The following LYPLAL1 variants were observed in gnomAD, a reference collection of about 807,000 sequenced individuals.
The protein encoded by LYPLAL1 is lysophospholipase-like protein 1.
In LYPLAL1, 23 loss-of-function variants were observed where a neutral mutation model predicts 19.7. The ratio of observed to expected loss-of-function variants is 1.17; its 90% CI spans 0.84 to 1.65. The LOEUF is 1.65. LYPLAL1 is among the 40% of genes most tolerant of loss of function. LYPLAL1 has a pLI of 0.00. For missense variants in LYPLAL1, 355 were observed against 279.4 expected, an observed-to-expected ratio of 1.27 and a Z score of -1.93; for synonymous variants, 119 against 96.3, an observed-to-expected ratio of 1.24 and a Z score of -1.38.
the LYPLAL1 span, among the ~76,000 whole-genome samples, chr1:219,365,872 C>T: frequency 6.6e-6 from 1 of 152,054 alleles, no homozygotes; most frequent in African/African-American, 2.4e-5. Flanking sequence ...TCTAGTGAAG[C>T]CATAAACTTT....
chr1:219,216,752 C>A (rs1314515114), downstream of LYPLAL1, among the ~76,000 whole-genome samples: 1 of 152,054 alleles, frequency 6.6e-6, no homozygotes, highest in South Asian at 2.1e-4. Context: ...CTCTTGACCT[C>A]TGTGGACTCC....
the LYPLAL1 span, among the ~76,000 whole-genome samples, chr1:219,342,388 T>G: frequency 6.6e-6 from 1 of 152,132 alleles, no homozygotes; most frequent in Non-Finnish European, 1.5e-5. Flanking sequence ...TCAAGGTTTC[T>G]CTCTTTTAAT....
chr1:219,308,091 A>C, the LYPLAL1 span, among the ~76,000 whole-genome samples: 1 of 152,190 alleles, frequency 6.6e-6, no homozygotes, highest in Non-Finnish European at 1.5e-5. Flanking sequence ...GATATGAGGA[A>C]CTTGTTGTGA....
At chr1:219,275,480 T>C in the LYPLAL1 span, among the ~76,000 whole-genome samples, 1 of 141,386 alleles carries the variant, frequency 7.1e-6, no homozygotes, top group African/African-American at 2.5e-5. Flanking sequence ...GACTGTATTA[T>C]ATTAACTCTA....
the LYPLAL1 span, among the ~76,000 whole-genome samples, chr1:219,339,638 G>T: frequency 6.6e-6 from 1 of 152,144 alleles, no homozygotes; most frequent in African/African-American, 2.4e-5. Context: ...TTTAGGTTTA[G>T]CAATGGGTAT....
chr1:219,430,746 T>C, the LYPLAL1 span, among the ~76,000 whole-genome samples: 1 of 152,230 alleles, frequency 6.6e-6, no homozygotes, highest in Non-Finnish European at 1.5e-5. Flanking sequence ...AACTTAGGTC[T>C]CCTTAAAGGA....
At chr1:219,330,057 C>G in the LYPLAL1 span, among the ~76,000 whole-genome samples, 2 of 152,090 alleles carry the variant, frequency 1.3e-5, no homozygotes, top group Non-Finnish European at 2.9e-5. Context: ...CTCTCAGGCA[C>G]CAAGTGTCAC....
At chr1:219,418,055 A>T in the LYPLAL1 span, among the ~76,000 whole-genome samples, 25 of 152,352 alleles carry the variant, frequency 1.6e-4, 1 homozygote, top group African/African-American at 5.8e-4. Context: ...ACCTGATTTC[A>T]TCAGCTACTG....
the LYPLAL1 span, among the ~76,000 whole-genome samples, chr1:219,413,765 T>G: frequency 5.3e-5 from 8 of 152,240 alleles, no homozygotes; most frequent in Non-Finnish European, 1.2e-4. Context: ...AATTCACTTG[T>G]TACTGAGAAC....
the LYPLAL1 span, among the ~76,000 whole-genome samples, chr1:219,241,134 C>CTCTCTCTCTCTCTCTATATATA: frequency 2.7e-4 from 12 of 44,354 alleles, no homozygotes; most frequent in Non-Finnish European, 3.9e-4. Flanking sequence ...CTCTCTCTCT[C>CTCTCTCTCTCTCTCTATATATA]TATATATATA....
At chr1:219,252,758 T>G in the LYPLAL1 span, among the ~76,000 whole-genome samples, 1 of 152,192 alleles carries the variant, frequency 6.6e-6, no homozygotes, top group African/African-American at 2.4e-5. Context: ...TGTTGTTGTG[T>G]CTCTGCCAGG....
intron 2 of LYPLAL1, among the ~76,000 whole-genome samples, chr1:219,188,173 G>T (rs1656873435): frequency 6.6e-6 from 1 of 151,784 alleles, no homozygotes; most frequent in Non-Finnish European, 1.5e-5. Flanking sequence ...CACTGGGTAT[G>T]TATCTGTGGA....
chr1:219,193,501 C>A, intron 3 of LYPLAL1: 1 of 236,446 alleles, frequency 4.2e-6, no homozygotes, highest in Non-Finnish European at 8.2e-6. Context: ...AATTTTTCTT[C>A]TAGTTTAATT....
the LYPLAL1 span, among the ~76,000 whole-genome samples, chr1:219,279,448 A>T: frequency 2.6e-5 from 4 of 152,210 alleles, no homozygotes; most frequent in Non-Finnish European, 4.4e-5. Context: ...CTGTAAGGAC[A>T]TTGGATGAAA....
At chr1:219,339,928 C>T in the LYPLAL1 span, among the ~76,000 whole-genome samples, 8 of 152,038 alleles carry the variant, frequency 5.3e-5, no homozygotes, top group Non-Finnish European at 7.4e-5. Flanking sequence ...CTTGAGCTTC[C>T]TCTTCACTGA....
the LYPLAL1 span, among the ~76,000 whole-genome samples, chr1:219,223,366 T>C: frequency 6.6e-6 from 1 of 152,180 alleles, no homozygotes; most frequent in East Asian, 1.9e-4. Context: ...TGCCATTGAC[T>C]TCCCTCGAAT....
chr1:219,433,450 A>G, the LYPLAL1 span, among the ~76,000 whole-genome samples: 3 of 152,180 alleles, frequency 2.0e-5, no homozygotes, highest in African/African-American at 7.2e-5. Flanking sequence ...TGTACATCAG[A>G]TATTACACGT....
chr1:219,248,215 G>C, the LYPLAL1 span, among the ~76,000 whole-genome samples: 2 of 152,120 alleles, frequency 1.3e-5, no homozygotes, highest in Admixed American at 1.3e-4. Flanking sequence ...GACAAATTCA[G>C]TGTTAAAAGA....
intron 3 of LYPLAL1, among the ~76,000 whole-genome samples, chr1:219,210,074 A>G (rs766251379): frequency 1.3e-5 from 2 of 152,158 alleles, no homozygotes; most frequent in Non-Finnish European, 2.9e-5. Flanking sequence ...TTCAGAATTC[A>G]CTAAGCATCT....
Sources: allele counts gnomAD v4.1 joint callset (sites outside exome capture counted in the v4.1 genomes callset), GRCh38; gene constraint gnomAD v4.1.1; transcripts MANE v1.5; gene names NCBI Gene and HGNC (gene_info 2026-07-23, HGNC 2026-07-21).